Variants in RNF213 observed in about 807,000 individuals in gnomAD.
RNF213 encodes the protein ring finger protein 213.
In RNF213, 341 loss-of-function variants were observed where a neutral mutation model predicts 514.4. The observed-to-expected ratio is 0.66, with a 90% confidence interval of 0.61 to 0.73. RNF213 has a LOEUF of 0.73. Among genes scored for constraint, RNF213 ranks in the 30% least tolerant of loss-of-function variants. RNF213 has a pLI of 0.00. For synonymous variants in RNF213, 2,655 were observed against 2,658.2 expected, an observed-to-expected ratio of 1.00 and a Z score of 0.04; for missense variants, 5,767 against 6,615.6, an observed-to-expected ratio of 0.87 and a Z score of 4.45.
rs2046433075 is a variant in RNF213, at chr17:80,332,134, C to T, written c.3646C>T (p.Gln1216Ter). ...GGCAACGCATTACCACCTGAGCTCC[C>T]AGGTCCAAGAAATGGCTGGGAAGAT... The part of the protein sequence containing the change: ...QRATHYHLSS[Q>*]VQEMAGKIDL... The change falls in exon 21 of 68, where the codon CAG becomes TAG. Residue 1216 changes from glutamine to a stop codon, truncating the protein, a stop_gained. Transcript: ENST00000582970. LOFTEE classifies it high-confidence loss of function. 1 of 1,537,106 alleles carries T rather than the reference C, an allele frequency of 6.5e-7. No individual in the cohort carries two copies. The highest frequency in any genetic ancestry group is 8.7e-7 in the Non-Finnish European group (1 of 1,146,928).
At chr17:80,381,164 T>TG (rs1343455153) in intron 56 of RNF213, 177 bp downstream of exon 56, 5 of 712,792 alleles carry the variant, frequency 7.0e-6, no homozygotes, top group Admixed American at 2.1e-5. Flanking sequence ...TATGATGGTA[T>TG]GGGGGGAACT....
At chr17:80,349,105 G>A (rs938573084) in intron 29 of RNF213, among the ~76,000 whole-genome samples, 1 of 152,092 alleles carries the variant, frequency 6.6e-6, no homozygotes, top group East Asian at 1.9e-4. Flanking sequence ...TGGGGGGATG[G>A]GGGGTGGAGG....
At chr17:80,374,838 C>T (rs2079681363) in intron 50 of RNF213, 3 of 507,438 alleles carry the variant, frequency 5.9e-6, no homozygotes, top group Admixed American at 3.1e-5. Flanking sequence ...TGCTGATCTG[C>T]CAAGTCCATC....
At position 80,325,166 on chromosome 17, in the gene RNF213, T is replaced by A; in HGVS notation, c.3161T>A (p.Leu1054Ter). ...GACATTTTAAAGCATCTGCTCACGT[T>A]GGCAGATGTCAAGCACGTCTTCAGA... The part of the protein sequence containing the change: ...FDDILKHLLT[L>*]ADVKHVFRLC... The change falls in exon 18 of 68, where the codon TTG (leucine) becomes TAG (stop). Residue 1054 changes from leucine to a stop codon, truncating the protein, a stop_gained. Transcript: ENST00000582970. LOFTEE classifies it high-confidence loss of function. 5 of 1,535,812 alleles carry A rather than the reference T, an allele frequency of 3.3e-6. No individual in the cohort carries two copies. Among genetic ancestry groups the A allele is most frequent in the Non-Finnish European group, 3.5e-6 (4 of 1,145,706 alleles).
chr17:80,295,087 G>A (rs141739412), intron 9 of RNF213, 84 bp downstream of exon 9: 3 of 1,533,290 alleles, frequency 2.0e-6, no homozygotes, highest in Non-Finnish European at 2.7e-6. Flanking sequence ...CCTTGACTCT[G>A]TGGGCCAGGT....
At chr17:80,261,898 C>G (rs2043436862) in intron 1 of RNF213, among the ~76,000 whole-genome samples, 1 of 152,198 alleles carries the variant, frequency 6.6e-6, no homozygotes, top group South Asian at 2.1e-4. Context: ...ATGCCTGTAA[C>G]TCCACCTACT....
chr17:80,300,513 G>C (rs912526204), intron 11 of RNF213, among the ~76,000 whole-genome samples: 13 of 151,686 alleles, frequency 8.6e-5, no homozygotes, highest in African/African-American at 3.2e-4. Context: ...CAAAGTTCTA[G>C]GATTGCAGGC....
In RNF213 at chr17:80,295,560, A is replaced by C. The variant is rs201381326; in HGVS notation, c.1759A>C (p.Lys587Gln). 21 of 1,614,170 alleles carry C rather than the reference A, an allele frequency of 1.3e-5. No homozygotes were observed. Among genetic ancestry groups the C allele is most frequent in the Non-Finnish European group, 1.7e-5 (20 of 1,180,026 alleles). Reference sequence around the variant, plus strand: ...CTTCCTCTTCTCCCACCATCAGGTGAAGAGATACCTGTGGCAACATCTGAA... The same window carrying C: ...CTTCCTCTTCTCCCACCATCAGGTGCAGAGATACCTGTGGCAACATCTGAA... ...TDLQYREKEV[K>Q]RYLWQHLKKH... The change falls in exon 10 of 68, where the codon AAG (lysine) becomes CAG (glutamine). Residue 587 changes from lysine to glutamine, a missense_variant. Around this residue, in one of 13 missense-constraint regions of RNF213, gnomAD observed 592 missense variants for 673.9 expected, o/e 0.88. Coordinates refer to ENST00000582970, the MANE Select transcript of RNF213 (RefSeq NM_001256071.3).
chr17:80,390,237 T>A, intron 67 of RNF213, 41 bp downstream of exon 67: 2 of 1,585,712 alleles, frequency 1.3e-6, no homozygotes, highest in Non-Finnish European at 1.7e-6. Context: ...AGACACAATG[T>A]TGTGCTGTCT....
At chr17:80,328,130 G>A in intron 19 of RNF213, 141 bp downstream of exon 19, 8 of 1,168,534 alleles carry the variant, frequency 6.8e-6, no homozygotes, top group Non-Finnish European at 9.5e-6. Context: ...CTCATAAGTT[G>A]ATAGGGGTGG....
In RNF213 at chr17:80,309,045, C is replaced by T. The variant is rs756759340; in HGVS notation, c.2529C>T (p.Ser843=). The T allele has an allele frequency of 6.2e-7, 1 of 1,614,154 alleles. No individual in the cohort carries two copies. Among genetic ancestry groups the T allele is most frequent in the Non-Finnish European group, 8.5e-7 (1 of 1,180,040 alleles). The change falls in exon 14 of 68, where the codon TCC becomes TCT. Residue 843 remains serine, a synonymous_variant. Transcript: ENST00000582970. The part of the protein sequence containing the change: ...DKIPEEALSP[S]YLTVCLKLHE... ...TTCCCGAGGAGGCCTTGTCACCATCCTACCTGACTGTGTGTCTGAAACTGC... is the reference window on the plus strand; with the variant it reads ...TTCCCGAGGAGGCCTTGTCACCATCTTACCTGACTGTGTGTCTGAAACTGC...
intron 57 of RNF213, 178 bp downstream of exon 57, chr17:80,381,905 G>C (rs1185702872): frequency 1.2e-5 from 8 of 673,168 alleles, no homozygotes; most frequent in South Asian, 1.8e-5. Flanking sequence ...GATGCCTGGG[G>C]CTGGAAAAAG....
chr17:80,288,873 A>G lies in RNF213; in HGVS notation c.933+118A>G, dbSNP rs891886608. 5.1e-6 allele frequency: 8 copies of G among 1,554,668 alleles called. No homozygotes were observed. Among genetic ancestry groups the G allele is most frequent in the African/African-American group, 2.7e-5 (2 of 73,560 alleles). ...CTGGGGATATAGCCATGATTCAGAC[A>G]AAGCTCTGGCCTTCGGGGTGCTCAC... On this transcript the variant is annotated intron_variant, in intron 5 of 67. Transcript: ENST00000582970. This position sits in a 1 kb window ranked among gnomAD's most constrained non-coding sequence, Gnocchi z 4.9.
At position 80,351,744 on chromosome 17, in the gene RNF213, A is replaced by G. The variant is rs762374206; in HGVS notation, c.10244A>G (p.Tyr3415Cys). The G allele has an allele frequency of 9.3e-6, 15 of 1,613,248 alleles. No individual in the cohort carries two copies. Among genetic ancestry groups the G allele is most frequent in the East Asian group, 2.2e-5 (1 of 44,898 alleles). ...GAAAATGAGGACCGTATCTTCGTCT[A>G]TTTCATCACAAAACTGTCCCGGGTG... Reference protein sequence around the residue: ...IRENEDRIFVYFITKLSRVGR... With the variant: ...IRENEDRIFVCFITKLSRVGR... Residue 3415 changes from tyrosine (Y) to cysteine (C), a missense_variant, in exon 32 of 68, where the codon TAT becomes TGT. Physicochemically the swap from Tyr to Cys is radical, Grantham distance 194. This residue lies in a region of RNF213 where 919 missense variants were observed against 1,121.0 expected (regional missense o/e 0.82). Transcript: ENST00000582970.
chr17:80,349,021 G>A (rs781767898), intron 29 of RNF213, among the ~76,000 whole-genome samples: 9 of 152,116 alleles, frequency 5.9e-5, no homozygotes, highest in Admixed American at 5.9e-4. Flanking sequence ...CGCTGGAACC[G>A]TACAAAGGAG....
At position 80,398,256 on chromosome 17, in the gene RNF213, G is replaced by C. The variant is rs186243657; in HGVS notation, c.*4758G>C. 6.6e-6 allele frequency: 1 copy of C among 152,234 alleles called. No individual in the cohort carries two copies. Among genetic ancestry groups the C allele is most frequent in the East Asian group, 1.9e-4 (1 of 5,178 alleles). The allele number at this position is 152,234 out of a possible 1,614,324, so 9.4% of individuals were successfully genotyped here. A position where few individuals can be genotyped will look rare whatever the true frequency, so the allele number is the denominator to read the frequency against. ...TTTGGTGTAAACTGTAAAAGTGTGT[G>C]TGTGCCCTTTTTACCTGTTCTTTGT... On this transcript the variant is annotated 3_prime_UTR_variant, in exon 68 of 68. Coordinates refer to ENST00000582970, the MANE Select transcript of RNF213 (RefSeq NM_001256071.3).
intron 2 of RNF213, among the ~76,000 whole-genome samples, chr17:80,270,110 G>GCA (rs200515308): frequency 5.9e-5 from 9 of 152,118 alleles, no homozygotes; most frequent in Admixed American, 1.3e-4. Flanking sequence ...GAATGTGTGC[G>GCA]CACACACACA....
At chr17:80,333,054 CTT>C (rs112975996) in intron 21 of RNF213, among the ~76,000 whole-genome samples, 2 of 143,540 alleles carry the variant, frequency 1.4e-5, no homozygotes, top group Admixed American at 7.0e-5. Flanking sequence ...GACTCTTTTG[CTT>C]TTTTTTTTTT....
chr17:80,333,954 G>A, intron 21 of RNF213, 151 bp from the exon 22 acceptor site: 1 of 770,036 alleles, frequency 1.3e-6, no homozygotes, highest in Non-Finnish European at 2.1e-6. Context: ...TCCAATTCAG[G>A]GGTAAGAGCT....
Sources: allele counts gnomAD v4.1 joint callset (sites outside exome capture counted in the v4.1 genomes callset), GRCh38; gene constraint gnomAD v4.1.1; regional missense constraint gnomAD v4.1.1; non-coding constraint Gnocchi (gnomAD v3.1); transcripts MANE v1.5; gene names NCBI Gene and HGNC (gene_info 2026-07-23, HGNC 2026-07-21).